The following SRC variants were observed in gnomAD, a reference collection of about 807,000 sequenced individuals.
SRC encodes SRC proto-oncogene, non-receptor tyrosine kinase, also known as proto-oncogene tyrosine-protein kinase Src.
Under a neutral mutation model 62.9 loss-of-function variants are expected in SRC, and 13 were observed. That is an observed-to-expected ratio of 0.21 (90% CI 0.13 to 0.33). The LOEUF (loss-of-function observed/expected upper bound fraction) is 0.33. Ranked by LOEUF, SRC falls within the 10% of genes least tolerant of loss-of-function variation. The probability of loss-of-function intolerance (pLI) is 1.00; values close to 1 mark genes in which losing one functional copy is unlikely to be tolerated. For missense variants in SRC, 457 were observed against 737.3 expected (o/e 0.62, Z 4.40); for synonymous variants, 302 against 317.5 (o/e 0.95, Z 0.52).
intron 5 of SRC, among the ~76,000 whole-genome samples, chr20:37,390,112 C>G (rs546418682): frequency 2.0e-5 from 3 of 152,324 alleles, no homozygotes; most frequent in East Asian, 1.9e-4. Context: ...TCAGTTTACT[C>G]TGAGCCCAGC....
chr20:37,389,634 C>G (rs1421011042), intron 5 of SRC, among the ~76,000 whole-genome samples: 1 of 152,214 alleles, frequency 6.6e-6, no homozygotes, highest in East Asian at 1.9e-4. Context: ...CCAGTCCCAG[C>G]AGCCCAAGGG....
At chr20:37,356,897 C>T (rs537320020) in intron 1 of SRC, among the ~76,000 whole-genome samples, 2 of 152,326 alleles carry the variant, frequency 1.3e-5, no homozygotes, top group South Asian at 4.1e-4. Flanking sequence ...GGCTGGCAGA[C>T]CTTGGCCTTT....
chr20:37,403,190 G>T lies in SRC; in HGVS notation c.1422G>T (p.Val474=), dbSNP rs1193068083. The change falls in exon 14 of 14, where the codon GTG becomes GTT. Residue 474 remains valine, a synonymous_variant. Transcript: ENST00000373578. This position sits in a 1 kb window ranked among gnomAD's most constrained non-coding sequence, Gnocchi z 7.1. The part of the protein sequence containing the change: ...VPYPGMVNRE[V]LDQVERGYRM... The stretch of plus-strand genomic sequence containing the variant: ...CCACAGGGATGGTGAACCGCGAGGT[G>T]CTGGACCAGGTGGAGCGGGGCTACC... 1 of 1,554,390 alleles carries T rather than the reference G, an allele frequency of 6.4e-7. No homozygotes were observed. Among genetic ancestry groups the T allele is most frequent in the Non-Finnish European group, 8.7e-7 (1 of 1,154,062 alleles).
At chr20:37,375,975 G>A (rs1011166646) in intron 2 of SRC, among the ~76,000 whole-genome samples, 6 of 152,070 alleles carry the variant, frequency 3.9e-5, no homozygotes, top group East Asian at 1.9e-4. Flanking sequence ...CACTAATCCC[G>A]TCATAAGGAC....
chr20:37,373,447 G>A (rs1190261150), intron 2 of SRC, among the ~76,000 whole-genome samples: 3 of 94,450 alleles, frequency 3.2e-5, no homozygotes, highest in Admixed American at 1.7e-4. Context: ...GCATATATAC[G>A]CATATATGCA....
chr20:37,382,050 G>A lies in SRC; in HGVS notation c.-172-569G>A, dbSNP rs935398574. On this transcript the variant is annotated intron_variant, in intron 2 of 13. Transcript: ENST00000373578. ...GGGGCGTCTCATAGCTGGGCTGGGC[G>A]CTCAGGGCAAACAGCCTTGCCCGAG... 1.2e-4 allele frequency among the ~76,000 whole-genome samples: 18 copies of A among 152,232 alleles called. No individual in the cohort carries two copies. The East Asian group carries it at 2.9e-3, about 24-fold the overall frequency.
Position 37,402,164 on chromosome 20 carries a change from G to A in SRC, c.1117-271G>A, listed in dbSNP as rs1018337002. On this transcript the variant is annotated intron_variant, in intron 11 of 13. Coordinates refer to ENST00000373578, the MANE Select transcript of SRC (RefSeq NM_198291.3). This position sits in a 1 kb window ranked among gnomAD's most constrained non-coding sequence, Gnocchi z 6.2. ...GGGTCCGCTGGGGCCTCTTTCCCTG[G>A]TCACCTCGCTTTCCTGGCTGCATCG... is the stretch of plus-strand genomic sequence containing the variant. The A allele has an allele frequency of 4.7e-6, 2 of 427,834 alleles. No homozygotes were observed. Among genetic ancestry groups the A allele is most frequent in the African/African-American group, 4.0e-5 (2 of 49,544 alleles). The allele number at this position is 427,834 out of a possible 1,614,324, so 26.5% of individuals were successfully genotyped here.
intron 9 of SRC, among the ~76,000 whole-genome samples, chr20:37,399,829 A>G (rs932749870): frequency 2.0e-5 from 3 of 152,232 alleles, no homozygotes; most frequent in Non-Finnish European, 4.4e-5. Flanking sequence ...TACAGGCGTG[A>G]GCCACCACGC....
chr20:37,367,299 C>T (rs534076687), intron 2 of SRC, among the ~76,000 whole-genome samples: 4 of 149,594 alleles, frequency 2.7e-5, no homozygotes, highest in Admixed American at 6.6e-5. Flanking sequence ...AGGCTGGTCT[C>T]GAACTCCTGG....
intron 2 of SRC, among the ~76,000 whole-genome samples, chr20:37,369,652 GC>G: frequency 6.6e-6 from 1 of 152,082 alleles, no homozygotes; most frequent in East Asian, 1.9e-4. Flanking sequence ...AATTGTCCGG[GC>G]TAGAAGCTCC....
Position 37,384,540 on chromosome 20 carries a change from GTCC to G in SRC, c.250+138_250+140del. 1 of 983,256 alleles carries G rather than the reference GTCC, an allele frequency of 1.0e-6. No homozygotes were observed. The highest frequency in any genetic ancestry group is 1.3e-6 in the Non-Finnish European group (1 of 767,238). The allele number at this position is 983,256 out of a possible 1,614,324, so 60.9% of individuals were successfully genotyped here. On this transcript the variant is annotated intron_variant, in intron 4 of 13. Coordinates refer to ENST00000373578, the MANE Select transcript of SRC (RefSeq NM_198291.3). This position sits in a 1 kb window ranked among gnomAD's most constrained non-coding sequence, Gnocchi z 6.7. ...GGTAGCGCCCCTGGGTGACTTGGGT[GTCC>G]GGGGGGTGGGGGGGCGGCCGTACAC...
intron 1 of SRC, among the ~76,000 whole-genome samples, chr20:37,352,948 C>T (rs894609788): frequency 6.6e-6 from 1 of 152,200 alleles, no homozygotes; most frequent in Non-Finnish European, 1.5e-5. Context: ...TCCATGAGTC[C>T]GTACTGACCC....
In SRC at chr20:37,396,212, G is replaced by C. The variant is rs368312821; in HGVS notation, c.604G>C (p.Val202Leu). The change falls in exon 8 of 14, where the codon GTG (valine) becomes CTG (leucine). Residue 202 changes from valine to leucine, a missense_variant. Physicochemically the swap from Val to Leu is conservative, Grantham distance 32. This residue lies in a region of SRC where 141 missense variants were observed against 198.4 expected (regional missense o/e 0.71). Coordinates refer to ENST00000373578, the MANE Select transcript of SRC (RefSeq NM_198291.3). The surrounding 1 kb of genome is among the most constrained non-coding windows in gnomAD (Gnocchi z 6.1). ...CTTCGACAACGCCAAGGGCCTCAAC[G>C]TGAAGCACTACAAGATCCGCAAGCT... The part of the protein sequence containing the change: ...SDFDNAKGLN[V>L]KHYKIRKLDS... The C allele has an allele frequency of 6.2e-7, 1 of 1,613,982 alleles. No individual in the cohort carries two copies.
In SRC at chr20:37,384,230, G is replaced by C; in HGVS notation, c.77G>C (p.Gly26Ala). The change falls in exon 4 of 14, where the codon GGC becomes GCC. Residue 26 changes from glycine to alanine, a missense_variant. This residue lies in a region of SRC where 132 missense variants were observed against 135.4 expected (regional missense o/e 0.98). Coordinates refer to ENST00000373578, the MANE Select transcript of SRC (RefSeq NM_198291.3). The surrounding 1 kb of genome is among the most constrained non-coding windows in gnomAD (Gnocchi z 6.7). ...RSLEPAENVHGAGGGAFPASQ... is the reference protein window; with the variant it reads ...RSLEPAENVHAAGGGAFPASQ... The stretch of plus-strand genomic sequence containing the variant: ...CTGGAGCCCGCCGAGAACGTGCACG[G>C]CGCTGGCGGGGGCGCTTTCCCCGCC... 6.3e-7 allele frequency: 1 copy of C among 1,577,698 alleles called. No homozygotes were observed. Among genetic ancestry groups the C allele is most frequent in the Non-Finnish European group, 8.6e-7 (1 of 1,168,566 alleles).
intron 1 of SRC, among the ~76,000 whole-genome samples, chr20:37,347,258 G>A (rs1206175256): frequency 1.3e-5 from 2 of 152,202 alleles, no homozygotes; most frequent in Admixed American, 6.5e-5. Flanking sequence ...CCCAGCCACA[G>A]CCACAGTGCA....
intron 1 of SRC, among the ~76,000 whole-genome samples, chr20:37,363,460 TG>T (rs2070009608): frequency 1.3e-5 from 2 of 151,658 alleles, no homozygotes; most frequent in African/African-American, 4.8e-5. Flanking sequence ...ACAGGGGAGG[TG>T]GGGTAGGATG....
intron 1 of SRC, among the ~76,000 whole-genome samples, chr20:37,353,080 A>G (rs2069830527): frequency 6.6e-6 from 1 of 152,156 alleles, no homozygotes; most frequent in Non-Finnish European, 1.5e-5. Context: ...GGTAATCACC[A>G]TATTCCCAAG....
chr20:37,403,031 C>G lies in SRC; in HGVS notation c.1403-140C>G, dbSNP rs2070765979. 7.6e-7 allele frequency: 1 copy of G among 1,321,142 alleles called. No individual in the cohort carries two copies. Among genetic ancestry groups the G allele is most frequent in the Middle Eastern group, 2.7e-4 (1 of 3,680 alleles). The allele number at this position is 1,321,142 out of a possible 1,614,324, so 81.8% of individuals were successfully genotyped here. A position where few individuals can be genotyped will look rare whatever the true frequency, so the allele number is the denominator to read the frequency against. On this transcript the variant is annotated intron_variant, in intron 13 of 13. Transcript: ENST00000373578. This position sits in a 1 kb window ranked among gnomAD's most constrained non-coding sequence, Gnocchi z 7.1. Reference sequence around the variant, plus strand: ...TTAGGCTCTCTCGATGGTCCATGCTCTCAGCTTCGGGGACAGGACTTATCT... The same window carrying G: ...TTAGGCTCTCTCGATGGTCCATGCTGTCAGCTTCGGGGACAGGACTTATCT...
At chr20:37,357,405 T>TTCCATCCA (rs375569482) in intron 1 of SRC, among the ~76,000 whole-genome samples, 1 of 152,020 alleles carries the variant, frequency 6.6e-6, no homozygotes, top group Non-Finnish European at 1.5e-5. Context: ...CTGCTTGCTC[T>TTCCATCCA]TCCATCCATC....
Sources: allele counts gnomAD v4.1 joint callset (sites outside exome capture counted in the v4.1 genomes callset), GRCh38; gene constraint gnomAD v4.1.1; regional missense constraint gnomAD v4.1.1; non-coding constraint Gnocchi (gnomAD v3.1); transcripts MANE v1.5; gene names NCBI Gene and HGNC (gene_info 2026-07-23, HGNC 2026-07-21).